FAM13C: variants seen among roughly 807,000 people sequenced by gnomAD.
FAM13C encodes the protein family with sequence similarity 13 member C.
FAM13C carries 37 observed loss-of-function variants against 73.2 expected under a neutral mutation model. That is an observed-to-expected ratio of 0.51 (90% CI 0.39 to 0.67). The LOEUF (loss-of-function observed/expected upper bound fraction) is 0.67. FAM13C is among the 30% of genes least tolerant of loss of function. The pLI is 0.00. For missense variants in FAM13C, 589 were observed against 715.6 expected (o/e 0.82, Z 2.02); for synonymous variants, 246 against 260.9 (o/e 0.94, Z 0.55).
chr10:59,259,486 T>G (rs1842268830), intron 10 of FAM13C, among the ~76,000 whole-genome samples: 1 of 152,100 alleles, frequency 6.6e-6, no homozygotes, highest in Admixed American at 6.5e-5. Context: ...AATACAAAGT[T>G]TTCTCTTTGG....
In FAM13C at chr10:59,315,203, G is replaced by C. The variant is rs16913382; in HGVS notation, c.443+8785C>G. On this transcript the variant is annotated intron_variant, in intron 4 of 13. Transcript: ENST00000618804. ...TAGCAGGGAAACTTGGAAAGTAAAA[G>C]CACAAAAAATATTTTTTTAATCACC... 5.7e-3 allele frequency among the ~76,000 whole-genome samples: 874 copies of C among 152,122 alleles called. 23 individuals are homozygous for C. The East Asian group carries it at 0.098, about 17-fold the overall frequency.
At chr10:59,263,812 G>A in intron 9 of FAM13C, 1 of 429,916 alleles carries the variant, frequency 2.3e-6, no homozygotes, top group Non-Finnish European at 4.3e-6. Context: ...AGGGAGGTTA[G>A]TGCTCCACAT....
intron 1 of FAM13C, chr10:59,361,214 T>G: frequency 1.4e-6 from 1 of 691,740 alleles, no homozygotes; most frequent in Non-Finnish European, 2.0e-6. Context: ...TCAATCCTGT[T>G]TTTTTTTTTA....
At chr10:59,317,769 GT>G (rs1160137318) in intron 4 of FAM13C, among the ~76,000 whole-genome samples, 1 of 151,502 alleles carries the variant, frequency 6.6e-6, no homozygotes, top group Non-Finnish European at 1.5e-5. Flanking sequence ...TATACTTTAA[GT>G]TTTAGGGTAC....
At chr10:59,303,142 C>T (rs1038478824) in intron 4 of FAM13C, among the ~76,000 whole-genome samples, 11 of 152,158 alleles carry the variant, frequency 7.2e-5, no homozygotes, top group African/African-American at 2.7e-4. Context: ...ACAGGTAGTG[C>T]TTGCTCCCTG....
rs115914906 is a variant in FAM13C, at chr10:59,360,076, C to T, written c.62+2323G>A. Reference sequence around the variant, plus strand: ...TAGATAGTGCCAGGGCTGGGAAAAACCAAGAAGAAAATAAAATCTGTCCTT... The same window carrying T: ...TAGATAGTGCCAGGGCTGGGAAAAATCAAGAAGAAAATAAAATCTGTCCTT... On this transcript the variant is annotated intron_variant, in intron 1 of 13. Coordinates refer to ENST00000618804, the MANE Select transcript of FAM13C (RefSeq NM_198215.4). Among the ~76,000 whole-genome samples, 974 of 152,266 alleles carry T rather than the reference C, an allele frequency of 6.4e-3. 9 individuals are homozygous for T. The highest frequency in any genetic ancestry group is 0.022 in the African/African-American group (912 of 41,548).
At chr10:59,313,169 T>C (rs1045491560) in intron 4 of FAM13C, among the ~76,000 whole-genome samples, 1 of 152,208 alleles carries the variant, frequency 6.6e-6, no homozygotes, top group African/African-American at 2.4e-5. Context: ...CAGAGAAACA[T>C]GTCCCTGTCA....
chr10:59,345,674 C>A (rs1854203269), intron 3 of FAM13C, among the ~76,000 whole-genome samples: 1 of 152,178 alleles, frequency 6.6e-6, no homozygotes, highest in Admixed American at 6.5e-5. Flanking sequence ...CAGCTAATCT[C>A]ACTTTCAAGG....
chr10:59,261,300 TAAAG>T lies in FAM13C; in HGVS notation c.1236+1130_1236+1133del, dbSNP rs755642374. Reference sequence around the variant, plus strand: ...TTGTTTTAAGGCTAAAGGTATTTCATAAAGAAAGATGTGGTCACAGGCCCATTTC... The same window carrying T: ...TTGTTTTAAGGCTAAAGGTATTTCATAAAGATGTGGTCACAGGCCCATTTC... On this transcript the variant is annotated intron_variant, in intron 10 of 13. Coordinates refer to ENST00000618804, the MANE Select transcript of FAM13C (RefSeq NM_198215.4). Among the ~76,000 whole-genome samples, 5 of 152,274 alleles carry T rather than the reference TAAAG, an allele frequency of 3.3e-5. No individual in the cohort carries two copies. In the East Asian group the frequency reaches 7.7e-4, roughly 24 times the overall value.
At chr10:59,342,258 T>C (rs1853613448) in intron 3 of FAM13C, among the ~76,000 whole-genome samples, 1 of 152,274 alleles carries the variant, frequency 6.6e-6, no homozygotes, top group South Asian at 2.1e-4. Context: ...GGATGTTTCA[T>C]GCTGTTTGAA....
chr10:59,270,028 AG>A lies in FAM13C; in HGVS notation c.673del (p.Leu225CysfsTer28). On this transcript the variant is annotated frameshift_variant, in exon 7 of 14. Coordinates refer to ENST00000618804, the MANE Select transcript of FAM13C (RefSeq NM_198215.4). LOFTEE classifies it high-confidence loss of function. ...ATCACCATCAGTGATGTGATAGAGC[AG>A]CCTGCTGGTCCCCACAGAGTGGAGG... is the stretch of plus-strand genomic sequence containing the variant. ...EDLHSVGTSR[L>X]LYHITDGDNP... The A allele has an allele frequency of 1.9e-6, 3 of 1,613,944 alleles. No individual in the cohort carries two copies. Among genetic ancestry groups the A allele is most frequent in the Non-Finnish European group, 2.5e-6 (3 of 1,179,870 alleles).
intron 4 of FAM13C, among the ~76,000 whole-genome samples, chr10:59,303,690 G>T (rs1010991026): frequency 7.2e-5 from 11 of 152,186 alleles, no homozygotes; most frequent in African/African-American, 2.7e-4. Flanking sequence ...GGGGCCTAGT[G>T]GGAGGGGTTT....
intron 4 of FAM13C, among the ~76,000 whole-genome samples, chr10:59,321,778 T>C (rs990599619): frequency 6.6e-6 from 1 of 152,074 alleles, no homozygotes; most frequent in East Asian, 1.9e-4. Context: ...TCTACAAACA[T>C]GGATTCATTT....
intron 5 of FAM13C, among the ~76,000 whole-genome samples, chr10:59,292,674 T>C (rs533722345): frequency 1.3e-5 from 2 of 152,248 alleles, no homozygotes; most frequent in Non-Finnish European, 2.9e-5. Context: ...AGCATGGCCA[T>C]TTCCTCAAAT....
At chr10:59,340,260 A>G (rs1439265342) in intron 3 of FAM13C, among the ~76,000 whole-genome samples, 1 of 152,176 alleles carries the variant, frequency 6.6e-6, no homozygotes, top group African/African-American at 2.4e-5. Flanking sequence ...GAGTTTTATT[A>G]TTTTCTGAGT....
At chr10:59,345,196 T>C (rs888664340) in intron 3 of FAM13C, among the ~76,000 whole-genome samples, 2 of 152,202 alleles carry the variant, frequency 1.3e-5, no homozygotes, top group Non-Finnish European at 2.9e-5. Context: ...TCCATTGCTA[T>C]ACTCAACCAA....
At chr10:59,282,532 C>T (rs1845046782) in intron 6 of FAM13C, 1 of 152,058 alleles carries the variant, frequency 6.6e-6, no homozygotes, top group African/African-American at 2.4e-5. Flanking sequence ...AAACAGATTA[C>T]CTGTGTAAAT....
chr10:59,246,572 TGTTTTC>T lies in FAM13C; in HGVS notation c.*1036_*1041del, dbSNP rs1432956889. On this transcript the variant is annotated 3_prime_UTR_variant, in exon 14 of 14. Coordinates refer to ENST00000618804, the MANE Select transcript of FAM13C (RefSeq NM_198215.4). ...TTTACAAAAATGAAAATAATAAACA[TGTTTTC>T]GTATAAAATAACACAAAATGATATA... 7.6e-6 allele frequency: 3 copies of T among 396,824 alleles called. No homozygotes were observed. Among genetic ancestry groups the T allele is most frequent in the African/African-American group, 2.1e-5 (1 of 48,588 alleles). The allele number at this position is 396,824 out of a possible 1,614,324, so 24.6% of individuals were successfully genotyped here. A position where few individuals can be genotyped will look rare whatever the true frequency, so the allele number is the denominator to read the frequency against.
chr10:59,273,294 A>C (rs1200338568), intron 6 of FAM13C, among the ~76,000 whole-genome samples: 1 of 152,206 alleles, frequency 6.6e-6, no homozygotes, highest in East Asian at 1.9e-4. Flanking sequence ...TAAAGCATAG[A>C]AACTACTGAA....
Sources: gnomAD v4.1 joint callset for allele counts (sites outside exome capture counted in the v4.1 genomes callset) on GRCh38, gnomAD v4.1.1 for gene constraint, MANE v1.5 for transcripts, NCBI Gene and HGNC (gene_info 2026-07-23, HGNC 2026-07-21) for gene names.